LRFN2: variants seen among roughly 807,000 people sequenced by gnomAD.
LRFN2 encodes the protein leucine rich repeat and fibronectin type III domain containing 2.
In LRFN2, 18 loss-of-function variants were observed where a neutral mutation model predicts 37.3. The observed-to-expected ratio is 0.48, with a 90% CI of 0.33 to 0.72. The LOEUF (loss-of-function observed/expected upper bound fraction) is 0.72, where lower values mean the gene tolerates loss of function less well. Among genes scored for constraint, LRFN2 ranks in the 30% least tolerant of loss-of-function variants. The pLI, the probability that LRFN2 is intolerant of heterozygous loss-of-function variation, is 0.02. For synonymous variants in LRFN2, 556 were observed against 466.6 expected, an observed-to-expected ratio of 1.19 and a Z score of -2.47; for missense variants, 1,006 against 1,060.7, an observed-to-expected ratio of 0.95 and a Z score of 0.72.
intron 1 of LRFN2, among the ~76,000 whole-genome samples, chr6:40,583,930 CT>C (rs1420959598): frequency 1.3e-5 from 2 of 152,128 alleles, no homozygotes; most frequent in African/African-American, 4.8e-5. Flanking sequence ...GAAAGGGTGG[CT>C]GGTGATACTT....
intron 2 of LRFN2, among the ~76,000 whole-genome samples, chr6:40,404,193 C>A (rs1762798760): frequency 6.6e-6 from 1 of 152,206 alleles, no homozygotes; most frequent in Middle Eastern, 3.2e-3. Flanking sequence ...CAGACAATAT[C>A]ATTGATTTAT....
At chr6:40,577,177 C>A (rs1332703719) in intron 1 of LRFN2, among the ~76,000 whole-genome samples, 1 of 151,086 alleles carries the variant, frequency 6.6e-6, no homozygotes. Context: ...TCTCAGCTCA[C>A]TGCAACTTCC....
At chr6:40,412,454 T>G (rs901279088) in intron 2 of LRFN2, among the ~76,000 whole-genome samples, 1 of 152,184 alleles carries the variant, frequency 6.6e-6, no homozygotes, top group Admixed American at 6.5e-5. Context: ...TAACAGAGCA[T>G]GACTGACAAG....
intron 1 of LRFN2, among the ~76,000 whole-genome samples, chr6:40,508,506 C>T (rs1765604745): frequency 6.6e-6 from 1 of 152,196 alleles, no homozygotes; most frequent in South Asian, 2.1e-4. Context: ...AGGCTCTGCT[C>T]CCTGCACCTA....
In LRFN2 at chr6:40,482,287, CG is replaced by C. The variant is rs1403584530; in HGVS notation, c.-18-49157del. On this transcript the variant is annotated intron_variant, in intron 1 of 2. Coordinates refer to ENST00000338305, the MANE Select transcript of LRFN2 (RefSeq NM_020737.3). ...GGAAGGACGTGAATAGAACCAGACC[CG>C]GATGACAAGTCCCATAGAGGTCCCA... 5.9e-5 allele frequency among the ~76,000 whole-genome samples: 9 copies of C among 152,298 alleles called. No individual in the cohort carries two copies. In the East Asian group the frequency reaches 1.7e-3, roughly 29 times the overall value.
intron 1 of LRFN2, among the ~76,000 whole-genome samples, chr6:40,458,015 C>G (rs1223838368): frequency 6.6e-6 from 1 of 152,116 alleles, no homozygotes; most frequent in East Asian, 1.9e-4. Context: ...AGGACAGCTG[C>G]CCTTAAGAGT....
In LRFN2 at chr6:40,411,099, TATCTC is replaced by T. The variant is rs148538966; in HGVS notation, c.1401-18192_1401-18188del. Among the ~76,000 whole-genome samples, 825 of 152,300 alleles carry T rather than the reference TATCTC, an allele frequency of 5.4e-3. 8 individuals carry two copies. Among genetic ancestry groups the T allele is most frequent in the African/African-American group, 0.019 (777 of 41,548 alleles). On this transcript the variant is annotated intron_variant, in intron 2 of 2. Coordinates refer to ENST00000338305, the MANE Select transcript of LRFN2 (RefSeq NM_020737.3). ...ATCACGTGTGAGTAAATCACAGACT[TATCTC>T]ATCTGTAATTTTCTGGGAGTCTCTC...
chr6:40,525,618 G>A (rs1335235178), intron 1 of LRFN2, among the ~76,000 whole-genome samples: 1 of 152,186 alleles, frequency 6.6e-6, no homozygotes, highest in East Asian at 1.9e-4. Flanking sequence ...TGAGCAAAGA[G>A]AACTGAGATT....
chr6:40,537,698 G>T (rs1239906297), intron 1 of LRFN2, among the ~76,000 whole-genome samples: 2 of 152,048 alleles, frequency 1.3e-5, no homozygotes. Context: ...CTCCACTGTC[G>T]GGGCAGAGAC....
intron 1 of LRFN2, among the ~76,000 whole-genome samples, chr6:40,580,463 G>C (rs748755044): frequency 6.6e-6 from 1 of 152,198 alleles, no homozygotes; most frequent in Non-Finnish European, 1.5e-5. Flanking sequence ...CTGTCTTCCA[G>C]GGTTGTTCTA....
At chr6:40,554,532 G>A (rs1766833791) in intron 1 of LRFN2, among the ~76,000 whole-genome samples, 1 of 152,132 alleles carries the variant, frequency 6.6e-6, no homozygotes. Flanking sequence ...AGGTGCCATG[G>A]GAATTGGTAT....
At chr6:40,539,333 A>G (rs767646797) in intron 1 of LRFN2, among the ~76,000 whole-genome samples, 6 of 152,174 alleles carry the variant, frequency 3.9e-5, no homozygotes, top group Non-Finnish European at 5.9e-5. Context: ...TAAGCATTTG[A>G]TGTTTCTTCC....
intron 1 of LRFN2, among the ~76,000 whole-genome samples, chr6:40,445,446 TC>T (rs1262085508): frequency 6.6e-6 from 1 of 152,042 alleles, no homozygotes; most frequent in East Asian, 1.9e-4. Flanking sequence ...TATGGAAGAC[TC>T]CCCCACCAAC....
intron 1 of LRFN2, among the ~76,000 whole-genome samples, chr6:40,559,283 C>G (rs1766948926): frequency 6.6e-6 from 1 of 152,120 alleles, no homozygotes; most frequent in Non-Finnish European, 1.5e-5. Context: ...TAAATCAGGG[C>G]CCCTAAGTAA....
rs545540841 is a variant in LRFN2, at chr6:40,416,360, T to C, written c.1400+15354A>G. On this transcript the variant is annotated intron_variant, in intron 2 of 2. Coordinates refer to ENST00000338305, the MANE Select transcript of LRFN2 (RefSeq NM_020737.3). The stretch of plus-strand genomic sequence containing the variant: ...GCACCCAACAGTGGTGGGGGCTTTC[T>C]TGTTTCTGGCAATTTATTCCTGCAT... Among the ~76,000 whole-genome samples, 7 of 151,806 alleles carry C rather than the reference T, an allele frequency of 4.6e-5. No homozygotes were observed. The South Asian group carries it at 1.5e-3, about 32-fold the overall frequency.
At chr6:40,459,628 C>T (rs977852053) in intron 1 of LRFN2, among the ~76,000 whole-genome samples, 5 of 152,162 alleles carry the variant, frequency 3.3e-5, no homozygotes, top group African/African-American at 1.2e-4. Context: ...TCTCTTCTCC[C>T]TTGAAAAATC....
At chr6:40,547,341 G>A (rs1475484600) in intron 1 of LRFN2, among the ~76,000 whole-genome samples, 1 of 152,074 alleles carries the variant, frequency 6.6e-6, no homozygotes, top group Non-Finnish European at 1.5e-5. Flanking sequence ...CTGACCTCAG[G>A]TGATCTGCCC....
intron 1 of LRFN2, among the ~76,000 whole-genome samples, chr6:40,577,205 G>A (rs538692707): frequency 3.8e-4 from 57 of 151,814 alleles, no homozygotes; most frequent in Non-Finnish European, 7.7e-4. Context: ...GGGTTCAAGC[G>A]ATTCTCCTGC....
At chr6:40,507,265 C>T (rs1320298896) in intron 1 of LRFN2, among the ~76,000 whole-genome samples, 2 of 152,134 alleles carry the variant, frequency 1.3e-5, no homozygotes, top group Non-Finnish European at 2.9e-5. Flanking sequence ...ACTAATATTG[C>T]CTTGGTTTAG....
Sources: allele counts gnomAD v4.1 joint callset (sites outside exome capture counted in the v4.1 genomes callset), GRCh38; gene constraint gnomAD v4.1.1; transcripts MANE v1.5; gene names NCBI Gene and HGNC (gene_info 2026-07-23, HGNC 2026-07-21).